The following KREMEN1 variants were observed in gnomAD, a reference collection of about 807,000 sequenced individuals.
KREMEN1 encodes kremen protein 1.
A neutral mutation model predicts 46.5 loss-of-function variants in KREMEN1; 30 were observed. That is an observed-to-expected ratio of 0.65 (90% confidence interval 0.48 to 0.88). The LOEUF is 0.88. Ranked by LOEUF, KREMEN1 falls within the 40% of genes least tolerant of loss-of-function variation. The pLI is 0.00. For synonymous variants in KREMEN1, 214 were observed against 230.6 expected, an observed-to-expected ratio of 0.93 and a Z score of 0.65; for missense variants, 533 against 596.9, an observed-to-expected ratio of 0.89 and a Z score of 1.11.
At chr22:29,089,703 C>T (rs2145753942) in intron 1 of KREMEN1, among the ~76,000 whole-genome samples, 1 of 152,348 alleles carries the variant, frequency 6.6e-6, no homozygotes, top group Non-Finnish European at 1.5e-5. Flanking sequence ...ATTTATCTAA[C>T]CCTCAAGACC....
intron 9 of KREMEN1, among the ~76,000 whole-genome samples, chr22:29,161,880 C>T (rs975112678): frequency 1.3e-5 from 2 of 152,048 alleles, no homozygotes; most frequent in Non-Finnish European, 2.9e-5. Context: ...CTTTGGGAGG[C>T]TGAGGTGGAT....
Position 29,137,317 on chromosome 22 carries a change from CGTGGTGT to C in KREMEN1, c.632-24_632-18del. ...CTGTGGCAAAGGCCCAGACTGAGGG[CGTGGTGT>C]CTTTTTCTCTCCTACAGCTCTCGTG... On this transcript the variant is annotated intron_variant, in intron 5 of 8. Transcript: ENST00000400335. 7.0e-7 allele frequency: 1 copy of C among 1,435,444 alleles called. No individual in the cohort carries two copies. Among genetic ancestry groups the C allele is most frequent in the Non-Finnish European group, 9.2e-7 (1 of 1,083,896 alleles). 88.9% of individuals were successfully genotyped at this position (1,435,444 alleles called of 1,614,324 possible).
chr22:29,102,679 A>ACC (rs1345005530), intron 3 of KREMEN1, among the ~76,000 whole-genome samples: 1 of 152,320 alleles, frequency 6.6e-6, no homozygotes, highest in Non-Finnish European at 1.5e-5. Flanking sequence ...AATGCTATAA[A>ACC]CCGCTTAGTA....
intron 8 of KREMEN1, among the ~76,000 whole-genome samples, 172 bp from the exon 9 acceptor site, chr22:29,141,772 T>C (rs925152223): frequency 2.0e-5 from 3 of 152,232 alleles, no homozygotes; most frequent in Non-Finnish European, 4.4e-5. Flanking sequence ...CAGCCCCTGC[T>C]GCCCACAGGC....
chr22:29,076,110 C>T (rs2037565674), intron 1 of KREMEN1, among the ~76,000 whole-genome samples: 1 of 152,126 alleles, frequency 6.6e-6, no homozygotes, highest in South Asian at 2.1e-4. Context: ...TGTAGTAGGT[C>T]CCATCTGGAA....
intron 1 of KREMEN1, among the ~76,000 whole-genome samples, chr22:29,092,342 A>G (rs1426332466): frequency 6.6e-6 from 1 of 152,188 alleles, no homozygotes; most frequent in Admixed American, 6.5e-5. Flanking sequence ...TATCTGTAAA[A>G]TGGGGTACTA....
chr22:29,105,914 G>A (rs2038052101), intron 3 of KREMEN1, among the ~76,000 whole-genome samples: 1 of 152,120 alleles, frequency 6.6e-6, no homozygotes, highest in Admixed American at 6.5e-5. Context: ...ATAATACCTG[G>A]ACTTGTTAAA....
At chr22:29,094,153 A>G (rs2037841790) in intron 1 of KREMEN1, 105 bp from the exon 2 acceptor site, 1 of 883,936 alleles carries the variant, frequency 1.1e-6, no homozygotes, top group Admixed American at 2.3e-5. Flanking sequence ...GCAAGACACT[A>G]TCCATTTCCA....
chr22:29,073,720 A>C lies in KREMEN1; in HGVS notation c.97+493A>C, dbSNP rs1298326795. Among the ~76,000 whole-genome samples, 1 of 129,812 alleles carries C rather than the reference A, an allele frequency of 7.7e-6. No individual in the cohort carries two copies. 85.2% of individuals were successfully genotyped at this position (129,812 alleles called of 152,430 possible). A position where few individuals can be genotyped will look rare whatever the true frequency, so the allele number is the denominator to read the frequency against. ...CCGGTACCTCCTAGGATCCCGTCCC[A>C]AAATCCCCAGCGACTCCCCACGGGC... On this transcript the variant is annotated intron_variant, in intron 1 of 8. Coordinates refer to ENST00000400335, the MANE Select transcript of KREMEN1 (RefSeq NM_001039570.3). This position sits in a 1 kb window ranked among gnomAD's most constrained non-coding sequence, Gnocchi z 4.4.
chr22:29,094,180 AC>A (rs1221587361), intron 1 of KREMEN1, 77 bp from the exon 2 acceptor site: 40 of 1,317,076 alleles, frequency 3.0e-5, no homozygotes, highest in Non-Finnish European at 6.4e-6. Context: ...TCCAAACAAA[AC>A]AAAACATCAA....
chr22:29,136,211 C>G (rs745641639), intron 5 of KREMEN1, among the ~76,000 whole-genome samples: 1 of 151,614 alleles, frequency 6.6e-6, no homozygotes, highest in African/African-American at 2.4e-5. Context: ...CGTGAGCCAC[C>G]GCGCCCGGAC....
chr22:29,100,731 G>A (rs1292319819), intron 3 of KREMEN1, among the ~76,000 whole-genome samples: 2 of 152,164 alleles, frequency 1.3e-5, no homozygotes, highest in Non-Finnish European at 2.9e-5. Flanking sequence ...GCTCCTTCAT[G>A]AGGTATTCTA....
intron 1 of KREMEN1, among the ~76,000 whole-genome samples, chr22:29,090,114 T>C (rs1474132283): frequency 6.6e-6 from 1 of 152,250 alleles, no homozygotes; most frequent in Non-Finnish European, 1.5e-5. Context: ...GCCAGGCACA[T>C]AGTATTGAAT....
intron 1 of KREMEN1, 82 bp from the exon 2 acceptor site, chr22:29,094,176 C>A: frequency 7.9e-7 from 1 of 1,264,930 alleles, no homozygotes. Flanking sequence ...TTGGTCCAAA[C>A]AAAACAAAAC....
In KREMEN1 at chr22:29,142,915, T is replaced by A. The variant is rs576361015; in HGVS notation, c.*803T>A. 3.5e-5 allele frequency: 33 copies of A among 952,970 alleles called. No individual in the cohort carries two copies. The highest frequency in any genetic ancestry group is 1.1e-3 in the Middle Eastern group (2 of 1,836). 59.0% of individuals were successfully genotyped at this position (952,970 alleles called of 1,614,324 possible). On this transcript the variant is annotated 3_prime_UTR_variant, in exon 9 of 9. Coordinates refer to ENST00000400335, the MANE Select transcript of KREMEN1 (RefSeq NM_001039570.3). ...CTGTAATCCCAGCACTGTGGGAGGC[T>A]GAGGCGGGCAGATCACCTGAGGTCA...
chr22:29,124,076 T>C (rs2038401401), intron 4 of KREMEN1, among the ~76,000 whole-genome samples: 1 of 152,126 alleles, frequency 6.6e-6, no homozygotes, highest in South Asian at 2.1e-4. Flanking sequence ...TTCCTAGTTA[T>C]TACCCTAGAG....
chr22:29,102,568 A>G (rs17522248), intron 3 of KREMEN1, among the ~76,000 whole-genome samples: 3,431 of 152,204 alleles, frequency 0.023, 69 homozygotes, highest in Non-Finnish European at 0.035. Context: ...TTTATTTGGA[A>G]AGATAATCTT....
chr22:29,095,397 G>T (rs548315735), intron 2 of KREMEN1, among the ~76,000 whole-genome samples: 1 of 152,286 alleles, frequency 6.6e-6, no homozygotes, highest in East Asian at 1.9e-4. Flanking sequence ...ACAAGTTCAG[G>T]ATCACTGGTA....
At chr22:29,083,759 G>A (rs754642776) in intron 1 of KREMEN1, among the ~76,000 whole-genome samples, 8 of 152,148 alleles carry the variant, frequency 5.3e-5, no homozygotes, top group Non-Finnish European at 8.8e-5. Flanking sequence ...TTGAACCTAG[G>A]AGGCGGATGT....
Sources: allele counts gnomAD v4.1 joint callset (sites outside exome capture counted in the v4.1 genomes callset), GRCh38; gene constraint gnomAD v4.1.1; non-coding constraint Gnocchi (gnomAD v3.1); transcripts MANE v1.5; gene names NCBI Gene and HGNC (gene_info 2026-07-23, HGNC 2026-07-21).